TGFBR3: variants seen among roughly 807,000 people sequenced by gnomAD.
TGFBR3 encodes transforming growth factor beta receptor type 3.
TGFBR3 carries 46 observed loss-of-function variants against 87.9 expected under a neutral mutation model. The ratio of observed to expected loss-of-function variants is 0.52; its 90% confidence interval spans 0.41 to 0.67. The LOEUF is 0.67. Among genes scored for constraint, TGFBR3 ranks in the 30% least tolerant of loss-of-function variants. The probability of loss-of-function intolerance (pLI) is 0.00; values close to 1 mark genes in which losing one functional copy is unlikely to be tolerated. For synonymous variants in TGFBR3, 381 were observed against 391.6 expected, an observed-to-expected ratio of 0.97 and a Z score of 0.32; for missense variants, 866 against 1,041.9, an observed-to-expected ratio of 0.83 and a Z score of 2.32.
rs535060332 is a variant in TGFBR3 at position 91,758,892 on chromosome 1, T to C, written c.247-142A>G. ...TGTAGCTCAGATTCTATGAATAAGATACATTAAGTTGAACCAGATGATATT... is the reference window on the plus strand; with the variant it reads ...TGTAGCTCAGATTCTATGAATAAGACACATTAAGTTGAACCAGATGATATT... On this transcript the variant is annotated intron_variant, in intron 3 of 16. Coordinates refer to ENST00000212355, the MANE Select transcript of TGFBR3 (RefSeq NM_003243.5). The C allele has an allele frequency of 5.7e-6, 6 of 1,055,586 alleles. 1 individual carries two copies. The highest frequency in any genetic ancestry group is 4.3e-6 in the Non-Finnish European group (3 of 699,248). 65.4% of individuals were successfully genotyped at this position (1,055,586 alleles called of 1,614,324 possible).
At chr1:91,837,166 T>A (rs1358109795) in intron 2 of TGFBR3, among the ~76,000 whole-genome samples, 2 of 152,156 alleles carry the variant, frequency 1.3e-5, no homozygotes, top group African/African-American at 4.8e-5. Flanking sequence ...TAATTTTTTT[T>A]AAAACCAAAG....
chr1:91,710,409 C>T (rs1557669355), intron 13 of TGFBR3, among the ~76,000 whole-genome samples: 2 of 152,132 alleles, frequency 1.3e-5, no homozygotes, highest in Non-Finnish European at 2.9e-5. Context: ...TCCTATTGAG[C>T]TCTTCAGTTA....
At chr1:91,745,869 T>C (rs529437569) in intron 4 of TGFBR3, among the ~76,000 whole-genome samples, 2 of 152,260 alleles carry the variant, frequency 1.3e-5, no homozygotes, top group Middle Eastern at 3.2e-3. Context: ...CATGTGATGA[T>C]GGTATCTGCC....
At chr1:91,696,358 C>G (rs1340203370) in intron 15 of TGFBR3, among the ~76,000 whole-genome samples, 2 of 152,196 alleles carry the variant, frequency 1.3e-5, no homozygotes. Context: ...CCGATCTCCT[C>G]ATATTAAACT....
At chr1:91,771,705 C>CAAAAAAAA (rs758894556) in intron 3 of TGFBR3, among the ~76,000 whole-genome samples, 1 of 83,130 alleles carries the variant, frequency 1.2e-5, no homozygotes, top group Non-Finnish European at 2.4e-5. Context: ...GACTCTGTCT[C>CAAAAAAAA]AAAAAAAAAA....
intron 4 of TGFBR3, among the ~76,000 whole-genome samples, chr1:91,757,949 T>C (rs1040046914): frequency 6.6e-5 from 10 of 152,190 alleles, no homozygotes; most frequent in African/African-American, 9.7e-5. Context: ...AACTACCAAG[T>C]TGCAGTGCTG....
intron 3 of TGFBR3, among the ~76,000 whole-genome samples, chr1:91,771,863 C>T (rs284196): frequency 0.42 from 62,995 of 151,660 alleles, 13,807 homozygotes; most frequent in African/African-American, 0.54. Context: ...CCTCAAGAAG[C>T]TCACAGTTTG....
rs375896097 is a variant in TGFBR3 at position 91,782,102 on chromosome 1, G to A, written c.246+15185C>T. ...AAAAATAAACTGCAACACATGGGCT[G>A]ACAACATACCGAGAGCAATGAAGGG... On this transcript the variant is annotated intron_variant, in intron 3 of 16. Coordinates refer to ENST00000212355, the MANE Select transcript of TGFBR3 (RefSeq NM_003243.5). 9.8e-5 allele frequency among the ~76,000 whole-genome samples: 15 copies of A among 152,290 alleles called. No individual in the cohort carries two copies. The East Asian group carries it at 1.5e-3, about 16-fold the overall frequency.
chr1:91,891,186 GTC>G (rs1345711335), intron 2 of TGFBR3, among the ~76,000 whole-genome samples: 2 of 151,058 alleles, frequency 1.3e-5, no homozygotes, highest in African/African-American at 4.9e-5. Context: ...ACTGAGCCTG[GTC>G]TCTCTTTTTT....
At chr1:91,848,347 G>A (rs11165637) in intron 2 of TGFBR3, among the ~76,000 whole-genome samples, 42,764 of 151,990 alleles carry the variant, frequency 0.28, 6,790 homozygotes, top group Non-Finnish European at 0.35. Flanking sequence ...TACTAAAACA[G>A]AATCTGCATT....
At chr1:91,684,925 G>A (rs1237861583) in intron 16 of TGFBR3, among the ~76,000 whole-genome samples, 1 of 152,168 alleles carries the variant, frequency 6.6e-6, no homozygotes, top group African/African-American at 2.4e-5. Context: ...TTCCTGTCAT[G>A]CTGAAATACA....
chr1:91,853,650 T>G (rs1206194870), intron 2 of TGFBR3, among the ~76,000 whole-genome samples: 1 of 152,154 alleles, frequency 6.6e-6, no homozygotes, highest in African/African-American at 2.4e-5. Flanking sequence ...GACATTATGC[T>G]CAGAGAAATA....
chr1:91,826,154 C>T (rs769627558), intron 2 of TGFBR3, among the ~76,000 whole-genome samples: 8 of 152,042 alleles, frequency 5.3e-5, no homozygotes, highest in Non-Finnish European at 1.2e-4. Flanking sequence ...CAGCTATACT[C>T]CCAGAGTCGA....
chr1:91,787,118 T>C (rs373194149), intron 3 of TGFBR3, among the ~76,000 whole-genome samples: 6 of 152,108 alleles, frequency 3.9e-5, no homozygotes, highest in African/African-American at 1.4e-4. Flanking sequence ...CTGGCCAACA[T>C]GGTGAAACTC....
chr1:91,798,948 G>A (rs1675493809), intron 2 of TGFBR3, among the ~76,000 whole-genome samples: 1 of 152,148 alleles, frequency 6.6e-6, no homozygotes, highest in African/African-American at 2.4e-5. Context: ...AGGGGAAGAA[G>A]GAACTGGATG....
intron 2 of TGFBR3, among the ~76,000 whole-genome samples, chr1:91,851,964 A>G (rs1464315157): frequency 4.6e-5 from 7 of 152,164 alleles, no homozygotes; most frequent in Non-Finnish European, 1.0e-4. Context: ...AAAATGATAA[A>G]AAGGGCCAGG....
At chr1:91,749,615 A>G (rs1673466245) in intron 4 of TGFBR3, among the ~76,000 whole-genome samples, 1 of 151,974 alleles carries the variant, frequency 6.6e-6, no homozygotes, top group Non-Finnish European at 1.5e-5. Flanking sequence ...AAACCCAACA[A>G]CCTGTGTCCA....
intron 3 of TGFBR3, among the ~76,000 whole-genome samples, chr1:91,785,534 G>A (rs1304542611): frequency 1.3e-5 from 2 of 152,056 alleles, no homozygotes; most frequent in African/African-American, 4.8e-5. Context: ...ACACAAACAG[G>A]CAGCAGGCAG....
Position 91,727,722 on chromosome 1 carries a change from C to A in TGFBR3, c.822G>T (p.Lys274Asn). 6.2e-7 allele frequency: 1 copy of A among 1,614,116 alleles called. No individual in the cohort carries two copies. Among genetic ancestry groups the A allele is most frequent in the South Asian group, 1.1e-5 (1 of 91,084 alleles). ...EVVKNLILIL[K>N]CKKSVNWVIK... ...TCACCCAGTTGACAGACTTTTTGCACTTCAAGATCAGGATGAGATTTTTGA... is the reference window on the plus strand; with the variant it reads ...TCACCCAGTTGACAGACTTTTTGCAATTCAAGATCAGGATGAGATTTTTGA... Residue 274 changes from lysine to asparagine, a missense_variant, in exon 7 of 17, where the codon AAG becomes AAT. Transcript: ENST00000212355.
Sources: allele counts gnomAD v4.1 joint callset (sites outside exome capture counted in the v4.1 genomes callset), GRCh38; gene constraint gnomAD v4.1.1; transcripts MANE v1.5; gene names NCBI Gene and HGNC (gene_info 2026-07-23, HGNC 2026-07-21).